The following TANK variants were observed in gnomAD, a reference collection of about 807,000 sequenced individuals.
TANK encodes the protein TRAF family member associated NFKB activator.
In TANK, 15 loss-of-function variants were observed where a neutral mutation model predicts 43.6. That is an observed-to-expected ratio of 0.34 (90% CI 0.23 to 0.53). The LOEUF (loss-of-function observed/expected upper bound fraction) is 0.53. Ranked by LOEUF, TANK falls within the 20% of genes least tolerant of loss-of-function variation. TANK has a pLI of 0.94. For missense variants in TANK, 417 were observed against 498.6 expected (o/e 0.84, Z 1.56); for synonymous variants, 162 against 178.2 (o/e 0.91, Z 0.73).
At position 161,216,993 on chromosome 2, in the gene TANK, A is replaced by T. The variant is rs188537992; in HGVS notation, c.328-6922A>T. Among the ~76,000 whole-genome samples the T allele has an allele frequency of 8.5e-4, 129 of 152,318 alleles. 2 individuals are homozygous for T. The highest frequency in any genetic ancestry group is 2.8e-3 in the African/African-American group (118 of 41,568). On this transcript the variant is annotated intron_variant, in intron 4 of 7. Coordinates refer to ENST00000392749, the MANE Select transcript of TANK (RefSeq NM_001199135.3). ...TTATAGACGGAATGCTGCTGTAAAC[A>T]TTTGTATACAGGTTTCTGTGTGAAC...
intron 4 of TANK, chr2:161,207,958 T>G: frequency 1.1e-6 from 1 of 913,682 alleles, no homozygotes; most frequent in African/African-American, 1.8e-5. Flanking sequence ...GAAATCACAT[T>G]CCCAATCAAT....
At chr2:161,150,437 G>C (rs1240285361) in intron 1 of TANK, among the ~76,000 whole-genome samples, 1 of 151,394 alleles carries the variant, frequency 6.6e-6, no homozygotes. Flanking sequence ...TAGTTTCATT[G>C]ATTCTCTCAA....
intron 1 of TANK, among the ~76,000 whole-genome samples, chr2:161,172,717 T>G (rs1214310895): frequency 2.6e-5 from 4 of 152,148 alleles, no homozygotes; most frequent in African/African-American, 9.7e-5. Flanking sequence ...AACTAGAATG[T>G]AGATTCTGAG....
chr2:161,140,102 AG>A (rs1033619210), intron 1 of TANK: 10 of 230,764 alleles, frequency 4.3e-5, no homozygotes, highest in African/African-American at 1.2e-4. Context: ...GATAGGTTTC[AG>A]TTTTAAAATG....
chr2:161,180,903 T>C (rs1287966142), intron 2 of TANK, among the ~76,000 whole-genome samples: 4 of 123,634 alleles, frequency 3.2e-5, no homozygotes, highest in Admixed American at 2.4e-4. Context: ...GAGTTCAGGG[T>C]TTTTTTTTTT....
chr2:161,227,640 G>A (rs564276701), intron 6 of TANK, among the ~76,000 whole-genome samples: 8 of 152,306 alleles, frequency 5.3e-5, no homozygotes, highest in Admixed American at 5.2e-4. Flanking sequence ...AATGTTAATA[G>A]TCATTTCCAT....
intron 4 of TANK, among the ~76,000 whole-genome samples, chr2:161,216,877 T>G (rs1687140933): frequency 1.3e-5 from 2 of 152,112 alleles, no homozygotes; most frequent in South Asian, 4.1e-4. Context: ...AAACTGAGAG[T>G]TTTGAATGAG....
chr2:161,206,437 G>C (rs910636502), intron 4 of TANK, among the ~76,000 whole-genome samples: 1 of 151,638 alleles, frequency 6.6e-6, no homozygotes. Flanking sequence ...ACTTTGTTAG[G>C]GTTATTCAGT....
At chr2:161,213,959 A>G (rs1417233267) in intron 4 of TANK, among the ~76,000 whole-genome samples, 1 of 152,224 alleles carries the variant, frequency 6.6e-6, no homozygotes, top group African/African-American at 2.4e-5. Context: ...CTGTAACATC[A>G]TGAATCAATC....
intron 2 of TANK, among the ~76,000 whole-genome samples, chr2:161,188,332 AAAAT>A (rs1347535641): frequency 1.3e-5 from 2 of 151,960 alleles, no homozygotes; most frequent in Non-Finnish European, 2.9e-5. Flanking sequence ...ACAAATAACT[AAAAT>A]AAGAAAATGA....
At chr2:161,195,135 T>A (rs1686088156) in intron 2 of TANK, among the ~76,000 whole-genome samples, 2 of 152,196 alleles carry the variant, frequency 1.3e-5, no homozygotes, top group South Asian at 4.1e-4. Context: ...GGATATATGT[T>A]CAAGGAGATT....
At chr2:161,188,803 A>G (rs1685782809) in intron 2 of TANK, among the ~76,000 whole-genome samples, 1 of 152,228 alleles carries the variant, frequency 6.6e-6, no homozygotes, top group Admixed American at 6.5e-5. Context: ...TTTAATTGCC[A>G]GTATAACAAT....
intron 1 of TANK, among the ~76,000 whole-genome samples, chr2:161,141,964 C>T (rs1306523472): frequency 1.3e-5 from 2 of 152,152 alleles, no homozygotes. Context: ...AAAAGCATTC[C>T]TATTTCTCCA....
intron 2 of TANK, among the ~76,000 whole-genome samples, chr2:161,201,505 T>A (rs1686410922): frequency 6.6e-6 from 1 of 152,196 alleles, no homozygotes; most frequent in Non-Finnish European, 1.5e-5. Flanking sequence ...TTTTTTGGAC[T>A]GGTTACTTAA....
At chr2:161,187,615 A>G (rs572169774) in intron 2 of TANK, among the ~76,000 whole-genome samples, 1 of 152,306 alleles carries the variant, frequency 6.6e-6, no homozygotes, top group South Asian at 2.1e-4. Context: ...CTATGATAAT[A>G]GTAGGAGAAT....
At chr2:161,217,690 A>G (rs997936839) in intron 4 of TANK, among the ~76,000 whole-genome samples, 1 of 150,986 alleles carries the variant, frequency 6.6e-6, no homozygotes, top group Non-Finnish European at 1.5e-5. Flanking sequence ...TCACTCCTCC[A>G]CAATGGAATC....
chr2:161,141,839 T>C (rs979078803), intron 1 of TANK, among the ~76,000 whole-genome samples: 5 of 152,216 alleles, frequency 3.3e-5, no homozygotes, highest in African/African-American at 1.2e-4. Flanking sequence ...CCTTTGGGTA[T>C]ATACCCATTA....
chr2:161,173,014 C>G (rs1685020131), intron 1 of TANK, among the ~76,000 whole-genome samples: 1 of 152,118 alleles, frequency 6.6e-6, no homozygotes, highest in Non-Finnish European at 1.5e-5. Flanking sequence ...TTGAAAATCT[C>G]TCATTACTCC....
chr2:161,230,423 T>G (rs1405355600), intron 6 of TANK, among the ~76,000 whole-genome samples: 1 of 152,218 alleles, frequency 6.6e-6, no homozygotes. Flanking sequence ...TCACAATATT[T>G]CATCCTTCCT....
Sources: allele counts gnomAD v4.1 joint callset (sites outside exome capture counted in the v4.1 genomes callset), GRCh38; gene constraint gnomAD v4.1.1; transcripts MANE v1.5; gene names NCBI Gene and HGNC (gene_info 2026-07-23, HGNC 2026-07-21).